RYR1: variants seen among roughly 807,000 people sequenced by gnomAD.
RYR1 encodes the protein ryanodine receptor 1.
In RYR1, 342 loss-of-function variants were observed where a neutral mutation model predicts 583.5. The ratio of observed to expected loss-of-function variants is 0.59; its 90% confidence interval spans 0.54 to 0.64. The LOEUF is 0.64. Ranked by LOEUF, RYR1 falls within the 30% of genes least tolerant of loss-of-function variation. The probability of loss-of-function intolerance (pLI) is 0.00; values close to 1 mark genes in which losing one functional copy is unlikely to be tolerated. For synonymous variants in RYR1, 2,791 were observed against 2,822.5 expected (o/e 0.99, Z 0.35); for missense variants, 6,032 against 6,917.2 (o/e 0.87, Z 4.54).
At chr19:38,523,826 T>C in intron 69 of RYR1, 89 bp from the exon 70 acceptor site, 1 of 1,543,352 alleles carries the variant, frequency 6.5e-7, no homozygotes, top group Non-Finnish European at 8.9e-7. Context: ...GCAGAGGAGG[T>C]GGGGTGCTGG....
intron 38 of RYR1, 143 bp from the exon 39 acceptor site, chr19:38,494,209 C>T: frequency 1.1e-6 from 1 of 888,212 alleles, no homozygotes; most frequent in African/African-American, 1.6e-5. Context: ...AATCTGCCTG[C>T]TCCCAGCAGG....
At chr19:38,557,739 G>A (rs1252337405) in intron 89 of RYR1, among the ~76,000 whole-genome samples, 3 of 152,138 alleles carry the variant, frequency 2.0e-5, no homozygotes, top group Non-Finnish European at 4.4e-5. Context: ...AGGAGGGGGA[G>A]GTTGCTGTGA....
At position 38,496,672 on chromosome 19, in the gene RYR1, T is replaced by C. The variant is rs994551155; in HGVS notation, c.6796+131T>C. The C allele has an allele frequency of 6.2e-5, 78 of 1,259,058 alleles. 2 individuals are homozygous for C. In the Middle Eastern group the frequency reaches 4.4e-3, roughly 71 times the overall value. The allele number at this position is 1,259,058 out of a possible 1,614,324, so 78.0% of individuals were successfully genotyped here. On this transcript the variant is annotated intron_variant, in intron 41 of 105. Coordinates refer to ENST00000359596, the MANE Select transcript of RYR1 (RefSeq NM_000540.3). This position sits in a 1 kb window ranked among gnomAD's most constrained non-coding sequence, Gnocchi z 4.8. The stretch of plus-strand genomic sequence containing the variant: ...CTCAACTGTGGTTCTGGCCCTGTAA[T>C]GAGTAATGCTGGGGACACAATAGTG...
chr19:38,554,041 G>A (rs561132216), intron 89 of RYR1, among the ~76,000 whole-genome samples: 1 of 152,284 alleles, frequency 6.6e-6, no homozygotes, highest in East Asian at 1.9e-4. Context: ...GTCATGGATA[G>A]TTGCACCCAT....
In RYR1 at chr19:38,500,709, T is replaced by G. The variant is rs1970071509; in HGVS notation, c.7427T>G (p.Ile2476Ser). 6.2e-7 allele frequency: 1 copy of G among 1,613,992 alleles called. No individual in the cohort carries two copies. Among genetic ancestry groups the G allele is most frequent in the Non-Finnish European group, 8.5e-7 (1 of 1,179,970 alleles). Residue 2476 changes from isoleucine to serine, a missense_variant, in exon 46 of 106, where the codon ATT becomes AGT. Physicochemically the swap from Ile to Ser is moderately radical, Grantham distance 142. Around this residue, in one of 11 missense-constraint regions of RYR1, gnomAD observed 2,627 missense variants for 2,961.3 expected, o/e 0.89. Transcript: ENST00000359596. The surrounding 1 kb of genome is among the most constrained non-coding windows in gnomAD (Gnocchi z 5.9). ...GGCATCATCAGCCTCCCACTGCAGA[T>G]TCCCACCCTGGGCAAAGGTGCAGAG... The part of the protein sequence containing the change: ...LVGIISLPLQ[I>S]PTLGKDGALV...
At chr19:38,571,833 G>A (rs569912633) in intron 94 of RYR1, among the ~76,000 whole-genome samples, 186 bp from the exon 95 acceptor site, 1 of 152,250 alleles carries the variant, frequency 6.6e-6, no homozygotes, top group African/African-American at 2.4e-5. Flanking sequence ...AGTTCAATAG[G>A]CTAATTCCCA....
At chr19:38,494,747 T>A in intron 39 of RYR1, 122 bp downstream of exon 39, 1 of 1,239,550 alleles carries the variant, frequency 8.1e-7, no homozygotes, top group Non-Finnish European at 1.2e-6. Context: ...AGTCTCTCGA[T>A]GGCTAGCTCA....
Position 38,561,922 on chromosome 19 carries a change from G to A in RYR1, c.12624+468G>A, listed in dbSNP as rs552498876. ...CTCATGCTCACTCTTGTACACGCTC[G>A]CCTTGGGGGCTCTGGGGTGCCCTGG... On this transcript the variant is annotated intron_variant, in intron 90 of 105. Coordinates refer to ENST00000359596, the MANE Select transcript of RYR1 (RefSeq NM_000540.3). This position sits in a 1 kb window ranked among gnomAD's most constrained non-coding sequence, Gnocchi z 4.8. Among the ~76,000 whole-genome samples, 30 of 152,210 alleles carry A rather than the reference G, an allele frequency of 2.0e-4. No homozygotes were observed. Among genetic ancestry groups the A allele is most frequent in the African/African-American group, 6.3e-4 (26 of 41,536 alleles).
intron 12 of RYR1, 39 bp from the exon 13 acceptor site, chr19:38,452,780 C>T (rs1014050658): frequency 3.3e-6 from 5 of 1,534,298 alleles, no homozygotes; most frequent in Non-Finnish European, 2.6e-6. Context: ...CGGCAGTTAG[C>T]GCTCCCAGCC....
chr19:38,489,036 A>T, intron 34 of RYR1, 141 bp from the exon 35 acceptor site: 1 of 797,486 alleles, frequency 1.3e-6, no homozygotes, highest in South Asian at 1.4e-5. Flanking sequence ...GGGGGATGCC[A>T]TTCCTGCTGT....
rs748706539 is a variant in RYR1 at position 38,443,872 on chromosome 19, G to A, written c.424+76G>A. 879 of 1,358,922 alleles carry A rather than the reference G, an allele frequency of 6.5e-4. 1 individual carries two copies. The highest frequency in any genetic ancestry group is 8.1e-4 in the Non-Finnish European group (771 of 951,292). The allele number at this position is 1,358,922 out of a possible 1,614,324, so 84.2% of individuals were successfully genotyped here. ...TCAGGGGGTAGAAGGTCTGCAGAAC[G>A]CCAAGGCAAGCATGAGACTACCCTG... On this transcript the variant is annotated intron_variant, in intron 5 of 105. Transcript: ENST00000359596.
chr19:38,558,961 C>T (rs551554343), intron 89 of RYR1, among the ~76,000 whole-genome samples: 20 of 151,708 alleles, frequency 1.3e-4, no homozygotes, highest in African/African-American at 3.6e-4. Context: ...TGGTGGCACA[C>T]GCCTGTAGTC....
intron 76 of RYR1, among the ~76,000 whole-genome samples, chr19:38,532,283 G>A (rs983952002): frequency 2.0e-5 from 3 of 151,960 alleles, no homozygotes; most frequent in Non-Finnish European, 2.9e-5. Context: ...CATCACACCC[G>A]GCTAATTTTT....
intron 20 of RYR1, among the ~76,000 whole-genome samples, chr19:38,461,450 C>T (rs952441349): frequency 3.3e-5 from 5 of 151,816 alleles, no homozygotes; most frequent in African/African-American, 1.2e-4. Context: ...CACTGCCCCA[C>T]AAAGAAAGGG....
intron 37 of RYR1, among the ~76,000 whole-genome samples, chr19:38,491,528 A>C (rs1969550679): frequency 6.6e-6 from 1 of 151,250 alleles, no homozygotes; most frequent in African/African-American, 2.4e-5. Context: ...TCCTGGGCTC[A>C]AGCCATCCTC....
At position 38,521,707 on chromosome 19, in the gene RYR1, A is replaced by G. The variant is rs181438482; in HGVS notation, c.10260-1321A>G. On this transcript the variant is annotated intron_variant, in intron 67 of 105. Transcript: ENST00000359596. ...GCGAGACCCTGTCTCAAAAAAGAAA[A>G]AAAGAAAATTTTTTTTTTTTTTTTT... 9.0e-3 allele frequency among the ~76,000 whole-genome samples: 1,364 copies of G among 151,620 alleles called. 19 individuals carry two copies. The highest frequency in any genetic ancestry group is 0.031 in the African/African-American group (1,303 of 41,388).
chr19:38,519,967 G>A (rs1971148893), intron 67 of RYR1, among the ~76,000 whole-genome samples: 1 of 151,668 alleles, frequency 6.6e-6, no homozygotes, highest in South Asian at 2.1e-4. Flanking sequence ...GTGAGCCAAT[G>A]CAGCTGGCCA....
chr19:38,562,584 G>A (rs1255384675), intron 90 of RYR1, among the ~76,000 whole-genome samples: 4 of 152,100 alleles, frequency 2.6e-5, no homozygotes, highest in African/African-American at 7.2e-5. Context: ...GCTCATGCAC[G>A]CGGGCTCATG....
Position 38,502,735 on chromosome 19 carries a change from G to T in RYR1, c.7835+8G>T. The T allele has an allele frequency of 6.3e-7, 1 of 1,587,154 alleles. No homozygotes were observed. ...CCTCATGTCGCTCTGCAGGTGGAGC[G>T]GGGCAGGCTTCAGGGTGGGGCAGGG... On this transcript the variant is annotated splice_region_variant and intron_variant, in intron 48 of 105. Coordinates refer to ENST00000359596, the MANE Select transcript of RYR1 (RefSeq NM_000540.3).
Sources: allele counts gnomAD v4.1 joint callset (sites outside exome capture counted in the v4.1 genomes callset), GRCh38; gene constraint gnomAD v4.1.1; regional missense constraint gnomAD v4.1.1; non-coding constraint Gnocchi (gnomAD v3.1); transcripts MANE v1.5; gene names NCBI Gene and HGNC (gene_info 2026-07-23, HGNC 2026-07-21).